The following NOX3 variants were observed in gnomAD, a reference collection of about 807,000 sequenced individuals.
NOX3 encodes NADPH oxidase catalytic subunit-like 3.
In NOX3, 74 loss-of-function variants were observed where a neutral mutation model predicts 76.7. The observed-to-expected ratio is 0.96, with a 90% CI of 0.80 to 1.17. The LOEUF is 1.17. Ranked by LOEUF, NOX3 falls within the 50% of genes most tolerant of loss-of-function variation. The pLI, the probability that NOX3 is intolerant of heterozygous loss-of-function variation, is 0.00. For synonymous variants in NOX3, 263 were observed against 261.1 expected (o/e 1.01, Z -0.07); for missense variants, 695 against 703.3 (o/e 0.99, Z 0.13).
chr6:155,454,773 G>A (rs555820930), intron 3 of NOX3, 38 bp downstream of exon 3: 20 of 1,202,950 alleles, frequency 1.7e-5, no homozygotes, highest in African/African-American at 1.2e-4. Context: ...TGAGGAAGTC[G>A]TAACAGTTGA....
intron 12 of NOX3, among the ~76,000 whole-genome samples, chr6:155,403,077 A>G (rs1779255830): frequency 6.6e-6 from 1 of 152,232 alleles, no homozygotes; most frequent in Non-Finnish European, 1.5e-5. Context: ...TTTGTGCAGA[A>G]CAGTAATTGG....
chr6:155,437,284 A>G (rs1207501212), intron 6 of NOX3, among the ~76,000 whole-genome samples: 3 of 152,210 alleles, frequency 2.0e-5, no homozygotes, highest in Non-Finnish European at 4.4e-5. Flanking sequence ...AAAGCCCAAG[A>G]CATCAAGGTC....
intron 12 of NOX3, among the ~76,000 whole-genome samples, chr6:155,399,858 A>T (rs531821252): frequency 6.6e-6 from 1 of 152,316 alleles, no homozygotes; most frequent in African/African-American, 2.4e-5. Context: ...GATTCTCCGC[A>T]AAAGAAGTAT....
chr6:155,438,783 C>G lies in NOX3; in HGVS notation c.668+1173G>C, dbSNP rs59101157. 9.3e-3 allele frequency among the ~76,000 whole-genome samples: 1,412 copies of G among 152,300 alleles called. 22 individuals carry two copies. The highest frequency in any genetic ancestry group is 0.032 in the African/African-American group (1,337 of 41,554). ...CAGGTCCGCGCAGAGTCGGAGGCCA[C>G]CTCCGGGACAGGACCCTCCATGCTC... On this transcript the variant is annotated intron_variant, in intron 6 of 13. Coordinates refer to ENST00000159060, the MANE Select transcript of NOX3 (RefSeq NM_015718.3).
Position 155,429,003 on chromosome 6 carries a change from C to T in NOX3, c.936G>A (p.Lys312=), listed in dbSNP as rs780815662. Residue 312 remains lysine (K), a synonymous_variant, in exon 9 of 14, where the codon AAG becomes AAA. Transcript: ENST00000159060. ...PSGVLELHMK[K]RGFKMAPGQY... ...GCCCTGGCGCCATTTTAAAGCCACGCTTTTTCATGTGAAGTTCCAGGACTC... is the reference window on the plus strand; with the variant it reads ...GCCCTGGCGCCATTTTAAAGCCACGTTTTTTCATGTGAAGTTCCAGGACTC... 1.9e-6 allele frequency: 3 copies of T among 1,611,042 alleles called. No individual in the cohort carries two copies. Among genetic ancestry groups the T allele is most frequent in the Non-Finnish European group, 1.7e-6 (2 of 1,177,938 alleles).
At chr6:155,411,427 C>T (rs1776550541) in intron 10 of NOX3, 67 bp from the exon 11 acceptor site, 1 of 1,426,388 alleles carries the variant, frequency 7.0e-7, no homozygotes, top group East Asian at 2.4e-5. Context: ...TCACAGACTA[C>T]TTTATCTCCA....
chr6:155,455,275 T>C (rs1425982284), intron 1 of NOX3, 146 bp from the exon 2 acceptor site: 2 of 602,622 alleles, frequency 3.3e-6, no homozygotes, highest in Non-Finnish European at 2.9e-6. Context: ...TCTCATAGAT[T>C]AGTTTTTAAT....
chr6:155,438,828 G>A (rs1164207917), intron 6 of NOX3, among the ~76,000 whole-genome samples: 1 of 152,258 alleles, frequency 6.6e-6, no homozygotes, highest in African/African-American at 2.4e-5. Flanking sequence ...AATGGTGGGA[G>A]AATGAGGGGT....
At chr6:155,426,183 C>T (rs1213457936) in intron 9 of NOX3, among the ~76,000 whole-genome samples, 2 of 152,208 alleles carry the variant, frequency 1.3e-5, no homozygotes, top group East Asian at 1.9e-4. Flanking sequence ...TGCCTACACA[C>T]ATACAGAGGC....
intron 12 of NOX3, among the ~76,000 whole-genome samples, chr6:155,400,109 AT>A (rs768854631): frequency 1.2e-4 from 18 of 152,168 alleles, no homozygotes; most frequent in Admixed American, 3.9e-4. Context: ...CTAAATAACT[AT>A]TGTGCTCTTC....
chr6:155,455,182 T>G, intron 1 of NOX3, 53 bp from the exon 2 acceptor site: 5 of 1,180,410 alleles, frequency 4.2e-6, no homozygotes, highest in African/African-American at 1.5e-5. Flanking sequence ...GCTTTTTCTC[T>G]ATTCAAAATC....
At position 155,454,811 on chromosome 6, in the gene NOX3, A is replaced by G; in HGVS notation, c.255T>C (p.Ile85=). The G allele has an allele frequency of 6.5e-7, 1 of 1,534,352 alleles. No individual in the cohort carries two copies. The highest frequency in any genetic ancestry group is 1.2e-5 in the South Asian group (1 of 84,334). ...TTATTTCAGATATTTTAGTACTTAC[A>G]ATACTTGTTCCTCTTATGAATGAAA... ...NLISFIRGTS[I]CCRGPWRRQL... Residue 85 remains isoleucine (I), a splice_region_variant and synonymous_variant, in exon 3 of 14, where the codon ATT becomes ATC. Coordinates refer to ENST00000159060, the MANE Select transcript of NOX3 (RefSeq NM_015718.3).
chr6:155,442,526 T>C (rs1777007257), intron 5 of NOX3, among the ~76,000 whole-genome samples: 1 of 152,218 alleles, frequency 6.6e-6, no homozygotes. Context: ...GCAATAAAGA[T>C]ATTTTTAGTC....
chr6:155,434,044 T>C (rs1163172982), intron 7 of NOX3, among the ~76,000 whole-genome samples: 1 of 152,234 alleles, frequency 6.6e-6, no homozygotes, highest in African/African-American at 2.4e-5. Context: ...TTTTCATTCC[T>C]ACCAGAAAAT....
At chr6:155,428,729 G>C (rs1027774940) in intron 9 of NOX3, 65 bp downstream of exon 9, 1 of 1,381,062 alleles carries the variant, frequency 7.2e-7, no homozygotes, top group African/African-American at 1.5e-5. Flanking sequence ...GTAGCATGTT[G>C]ATACATTAAG....
intron 12 of NOX3, among the ~76,000 whole-genome samples, chr6:155,398,615 C>T (rs1478616316): frequency 1.3e-5 from 2 of 152,114 alleles, no homozygotes; most frequent in Admixed American, 1.3e-4. Flanking sequence ...GAAATCATTC[C>T]CATGGCTAAA....
intron 5 of NOX3, 47 bp from the exon 6 acceptor site, chr6:155,440,184 A>C (rs528064221): frequency 8.8e-6 from 12 of 1,367,360 alleles, no homozygotes; most frequent in East Asian, 2.4e-5. Flanking sequence ...AAAAAAAAAC[A>C]CCTTGACATT....
intron 9 of NOX3, among the ~76,000 whole-genome samples, chr6:155,426,194 A>C (rs1776752724): frequency 6.6e-6 from 1 of 152,220 alleles, no homozygotes; most frequent in African/African-American, 2.4e-5. Context: ...ATACAGAGGC[A>C]GAGGGCGAAA....
rs1312995069 is a variant in NOX3, at chr6:155,439,955, C to A, written c.668+1G>T. 1 of 1,613,152 alleles carries A rather than the reference C, an allele frequency of 6.2e-7. No individual in the cohort carries two copies. The highest frequency in any genetic ancestry group is 1.1e-5 in the South Asian group (1 of 90,834). On this transcript the variant is annotated splice_donor_variant, in intron 6 of 13. Transcript: ENST00000159060. LOFTEE classifies it high-confidence loss of function. ...TGCAGAGGAGCGCAGTATGGACTTACCCCGTCCCATGGATGGCCAGGCTGA... is the reference window on the plus strand; with the variant it reads ...TGCAGAGGAGCGCAGTATGGACTTAACCCGTCCCATGGATGGCCAGGCTGA...
Sources: gnomAD v4.1 joint callset for allele counts (sites outside exome capture counted in the v4.1 genomes callset) on GRCh38, gnomAD v4.1.1 for gene constraint, MANE v1.5 for transcripts, NCBI Gene and HGNC (gene_info 2026-07-23, HGNC 2026-07-21) for gene names.